The following MOB3B variants were observed in gnomAD, a reference collection of about 807,000 sequenced individuals.
The protein encoded by MOB3B is MOB kinase activator 3B.
Under a neutral mutation model 18.7 loss-of-function variants are expected in MOB3B, and 7 were observed. The ratio of observed to expected loss-of-function variants is 0.37; its 90% confidence interval spans 0.21 to 0.70. The LOEUF is 0.70. Among genes scored for constraint, MOB3B ranks in the 30% least tolerant of loss-of-function variants. The probability of loss-of-function intolerance (pLI) is 0.52; values close to 1 mark genes in which losing one functional copy is unlikely to be tolerated. For missense variants in MOB3B, 253 were observed against 281.3 expected (o/e 0.90, Z 0.72); for synonymous variants, 111 against 99.9 (o/e 1.11, Z -0.66).
At position 27,342,003 on chromosome 9, in the gene MOB3B, C is replaced by T. The variant is rs941502988; in HGVS notation, c.622-11387G>A. On this transcript the variant is annotated intron_variant, in intron 3 of 3. Coordinates refer to ENST00000262244, the MANE Select transcript of MOB3B (RefSeq NM_024761.5). ...TGAAAAAAGAAAGAATATTTTATGA[C>T]ATATGATTATTTTATGAAATTCAAA... 5.3e-5 allele frequency among the ~76,000 whole-genome samples: 8 copies of T among 152,234 alleles called. No homozygotes were observed. The South Asian group carries it at 1.7e-3, about 32-fold the overall frequency.
At chr9:27,422,588 T>C (rs1386945592) in intron 2 of MOB3B, among the ~76,000 whole-genome samples, 5 of 152,264 alleles carry the variant, frequency 3.3e-5, no homozygotes, top group Non-Finnish European at 4.4e-5. Context: ...TGTAGTTTTA[T>C]GTGTTGCCAA....
intron 1 of MOB3B, among the ~76,000 whole-genome samples, chr9:27,499,001 A>T (rs117325057): frequency 0.013 from 2,012 of 152,318 alleles, 25 homozygotes; most frequent in Middle Eastern, 0.044. Context: ...AAGTGCACCA[A>T]ATTTATCTGT....
intron 2 of MOB3B, among the ~76,000 whole-genome samples, chr9:27,434,040 G>T (rs1168720759): frequency 6.6e-6 from 1 of 152,182 alleles, no homozygotes; most frequent in Non-Finnish European, 1.5e-5. Flanking sequence ...CAGGGTATTT[G>T]CTCACCTCTG....
intron 2 of MOB3B, among the ~76,000 whole-genome samples, chr9:27,441,596 T>C (rs1031336975): frequency 6.6e-6 from 1 of 152,190 alleles, no homozygotes; most frequent in South Asian, 2.1e-4. Context: ...CAGAGCAAGA[T>C]TTCATCATGC....
At chr9:27,355,949 A>C (rs758281764) in intron 3 of MOB3B, among the ~76,000 whole-genome samples, 1 of 152,218 alleles carries the variant, frequency 6.6e-6, no homozygotes, top group Non-Finnish European at 1.5e-5. Context: ...GCATTGCAAC[A>C]GTATTAGCAG....
At chr9:27,394,483 C>A (rs1236999906) in intron 2 of MOB3B, among the ~76,000 whole-genome samples, 1 of 152,080 alleles carries the variant, frequency 6.6e-6, no homozygotes, top group Non-Finnish European at 1.5e-5. Flanking sequence ...ACAGAACTAC[C>A]AAAAGAAGCA....
intron 2 of MOB3B, among the ~76,000 whole-genome samples, chr9:27,446,254 C>T (rs1387947492): frequency 2.0e-5 from 3 of 151,550 alleles, no homozygotes; most frequent in Admixed American, 6.6e-5. Flanking sequence ...TTAATATGAA[C>T]TATGTGGCAT....
chr9:27,332,440 A>G (rs1820803594), intron 3 of MOB3B, among the ~76,000 whole-genome samples: 3 of 152,236 alleles, frequency 2.0e-5, no homozygotes, highest in Admixed American at 2.0e-4. Context: ...TTATAACTTA[A>G]TTATTTGCAA....
chr9:27,371,045 A>G (rs1821408613), intron 2 of MOB3B, among the ~76,000 whole-genome samples: 1 of 152,214 alleles, frequency 6.6e-6, no homozygotes, highest in African/African-American at 2.4e-5. Context: ...AGGAAGAAGT[A>G]TCTCCCTCTT....
At chr9:27,519,830 C>T (rs1035455753) in intron 1 of MOB3B, among the ~76,000 whole-genome samples, 2 of 151,860 alleles carry the variant, frequency 1.3e-5, no homozygotes, top group East Asian at 1.9e-4. Context: ...AAGCTGGCCC[C>T]AAATGAGGCT....
intron 3 of MOB3B, among the ~76,000 whole-genome samples, chr9:27,345,862 G>A (rs1205938691): frequency 6.6e-6 from 1 of 152,210 alleles, no homozygotes; most frequent in Non-Finnish European, 1.5e-5. Flanking sequence ...TGGAGCTGGA[G>A]GCCCTTGGAA....
In MOB3B at chr9:27,481,513, TTTTTTTG is replaced by T. The variant is rs1263400119; in HGVS notation, c.-198-25772_-198-25766del. On this transcript the variant is annotated intron_variant, in intron 1 of 3. Coordinates refer to ENST00000262244, the MANE Select transcript of MOB3B (RefSeq NM_024761.5). ...AGGAAGGTAGTTTTTTTTTTTTTGT[TTTTTTTG>T]TTTTTTTTTTTTTTTGAGACGGAGT... 7.9e-4 allele frequency among the ~76,000 whole-genome samples: 104 copies of T among 131,702 alleles called. 1 individual carries two copies. The highest frequency in any genetic ancestry group is 9.4e-4 in the Non-Finnish European group (57 of 60,588). 86.4% of individuals were successfully genotyped at this position (131,702 alleles called of 152,430 possible).
At chr9:27,358,610 C>G (rs28635696) in intron 3 of MOB3B, among the ~76,000 whole-genome samples, 5,703 of 152,186 alleles carry the variant, frequency 0.037, 384 homozygotes, top group African/African-American at 0.13. Context: ...CTGACTGTAT[C>G]CCTAGCAGCT....
intron 3 of MOB3B, among the ~76,000 whole-genome samples, chr9:27,343,110 C>T (rs1820976893): frequency 6.6e-6 from 1 of 151,802 alleles, no homozygotes. Context: ...ACATGGGAGA[C>T]TCCATTTTGT....
intron 2 of MOB3B, among the ~76,000 whole-genome samples, chr9:27,416,654 C>T (rs1822154290): frequency 6.6e-6 from 1 of 150,388 alleles, no homozygotes; most frequent in African/African-American, 2.4e-5. Context: ...CCTCACCCTC[C>T]CAAGTAGCTA....
intron 2 of MOB3B, among the ~76,000 whole-genome samples, chr9:27,435,650 A>T (rs919411019): frequency 3.9e-5 from 6 of 152,006 alleles, no homozygotes; most frequent in Non-Finnish European, 2.9e-5. Flanking sequence ...CCCAGGCTGG[A>T]GTGCAGTGGC....
chr9:27,399,778 A>G (rs1290718255), intron 2 of MOB3B, among the ~76,000 whole-genome samples: 2 of 152,140 alleles, frequency 1.3e-5, no homozygotes, highest in Non-Finnish European at 2.9e-5. Flanking sequence ...TTGAAAATGT[A>G]TTAGCATCTC....
intron 1 of MOB3B, among the ~76,000 whole-genome samples, chr9:27,470,034 A>G (rs1819447183): frequency 6.8e-6 from 1 of 147,570 alleles, no homozygotes; most frequent in Non-Finnish European, 1.5e-5. Context: ...ACATGAGCCT[A>G]GGAGTTCGAG....
chr9:27,479,643 T>A lies in MOB3B; in HGVS notation c.-198-23895A>T, dbSNP rs543980104. On this transcript the variant is annotated intron_variant, in intron 1 of 3. Transcript: ENST00000262244. ...TATAAACACCCCTACTCAAAAAAAATTTTTAAGATTAATAGGGAAAGGCAT... is the reference window on the plus strand; with the variant it reads ...TATAAACACCCCTACTCAAAAAAAAATTTTAAGATTAATAGGGAAAGGCAT... Among the ~76,000 whole-genome samples, 34 of 152,174 alleles carry A rather than the reference T, an allele frequency of 2.2e-4. 1 individual carries two copies. The highest frequency in any genetic ancestry group is 6.7e-4 in the African/African-American group (28 of 41,550).
Sources: allele counts gnomAD v4.1 joint callset (sites outside exome capture counted in the v4.1 genomes callset), GRCh38; gene constraint gnomAD v4.1.1; transcripts MANE v1.5; gene names NCBI Gene and HGNC (gene_info 2026-07-23, HGNC 2026-07-21).